Variants in PEX14 observed in about 807,000 individuals in gnomAD.
The protein encoded by PEX14 is peroxisomal biogenesis factor 14.
A neutral mutation model predicts 49.5 loss-of-function variants in PEX14; 15 were observed. The observed-to-expected ratio is 0.30, with a 90% CI of 0.20 to 0.47. The LOEUF is 0.47. Among genes scored for constraint, PEX14 ranks in the 20% least tolerant of loss-of-function variants. PEX14 has a pLI of 1.00. For synonymous variants in PEX14, 210 were observed against 212.7 expected, an observed-to-expected ratio of 0.99 and a Z score of 0.11; for missense variants, 398 against 494.8, an observed-to-expected ratio of 0.80 and a Z score of 1.86.
intron 3 of PEX14, among the ~76,000 whole-genome samples, chr1:10,573,150 G>A (rs544561794): frequency 2.6e-5 from 4 of 152,160 alleles, no homozygotes; most frequent in Non-Finnish European, 4.4e-5. Flanking sequence ...GACTACCATC[G>A]CATGTGCAGT....
In PEX14 at chr1:10,546,329, GC is replaced by G. The variant is rs1186186082; in HGVS notation, c.169+10035del. On this transcript the variant is annotated intron_variant, in intron 3 of 8. Coordinates refer to ENST00000356607, the MANE Select transcript of PEX14 (RefSeq NM_004565.3). ...GCCTGTAATCCCAGCACTTTGGGAG[GC>G]CCAGGCAGGTGGATGACTTGAGGTC... 3.3e-5 allele frequency among the ~76,000 whole-genome samples: 5 copies of G among 152,048 alleles called. No homozygotes were observed. The East Asian group carries it at 7.8e-4, about 24-fold the overall frequency.
intron 4 of PEX14, among the ~76,000 whole-genome samples, chr1:10,606,613 A>G (rs1220358255): frequency 6.6e-6 from 1 of 152,256 alleles, no homozygotes; most frequent in African/African-American, 2.4e-5. Flanking sequence ...AGGCAGGTTT[A>G]GAATTGCTCA....
intron 3 of PEX14, among the ~76,000 whole-genome samples, chr1:10,588,245 C>T (rs2124583088): frequency 6.6e-6 from 1 of 152,074 alleles, no homozygotes; most frequent in South Asian, 2.1e-4. Flanking sequence ...TGGAGTCTCA[C>T]TATGTTGCCT....
At chr1:10,530,476 T>G (rs887744358) in intron 2 of PEX14, among the ~76,000 whole-genome samples, 2 of 152,258 alleles carry the variant, frequency 1.3e-5, no homozygotes, top group African/African-American at 4.8e-5. Context: ...TCTGCGCTTC[T>G]GCCGCCTGCG....
At chr1:10,525,629 GA>G (rs1638449776) in intron 2 of PEX14, among the ~76,000 whole-genome samples, 1 of 152,094 alleles carries the variant, frequency 6.6e-6, no homozygotes, top group Non-Finnish European at 1.5e-5. Context: ...TCAATTTGAA[GA>G]TTTTTTTTTC....
At chr1:10,536,931 A>G (rs1638823971) in intron 3 of PEX14, among the ~76,000 whole-genome samples, 1 of 152,112 alleles carries the variant, frequency 6.6e-6, no homozygotes, top group Admixed American at 6.5e-5. Flanking sequence ...CTGACTTTTC[A>G]ATTTTTTATA....
chr1:10,545,915 C>T (rs754644761), intron 3 of PEX14, among the ~76,000 whole-genome samples: 2 of 152,070 alleles, frequency 1.3e-5, no homozygotes, highest in Non-Finnish European at 2.9e-5. Flanking sequence ...CGTGGTGGCG[C>T]ATGCCTGTGG....
At chr1:10,610,167 A>G (rs894731605) in intron 4 of PEX14, among the ~76,000 whole-genome samples, 1 of 148,554 alleles carries the variant, frequency 6.7e-6, no homozygotes, top group Non-Finnish European at 1.5e-5. Context: ...TGTCTATATC[A>G]TGATTGTGAT....
intron 3 of PEX14, among the ~76,000 whole-genome samples, chr1:10,591,098 G>A (rs896044525): frequency 6.6e-6 from 1 of 152,194 alleles, no homozygotes; most frequent in African/African-American, 2.4e-5. Context: ...ATGAGACGGC[G>A]TATGGCTAGC....
chr1:10,610,767 A>G (rs1641257957), intron 4 of PEX14, among the ~76,000 whole-genome samples: 1 of 151,996 alleles, frequency 6.6e-6, no homozygotes, highest in East Asian at 1.9e-4. Context: ...TGCTGGGATT[A>G]CAGGCATGAG....
At chr1:10,490,829 G>C (rs1169485902) in intron 1 of PEX14, among the ~76,000 whole-genome samples, 3 of 151,478 alleles carry the variant, frequency 2.0e-5, no homozygotes, top group South Asian at 4.2e-4. Flanking sequence ...AACCTCCTGG[G>C]TAGTTGGGAC....
intron 3 of PEX14, among the ~76,000 whole-genome samples, chr1:10,570,415 C>G (rs1309981198): frequency 1.3e-5 from 2 of 152,176 alleles, no homozygotes; most frequent in Non-Finnish European, 2.9e-5. Flanking sequence ...TCACTGCAAT[C>G]TCCACCTCCC....
chr1:10,554,252 C>T (rs560435271), intron 3 of PEX14, among the ~76,000 whole-genome samples: 12 of 145,980 alleles, frequency 8.2e-5, no homozygotes, highest in Non-Finnish European at 1.5e-4. Flanking sequence ...TGTAGTGAGC[C>T]GAGATCGCAC....
chr1:10,509,921 C>T (rs763163629), intron 2 of PEX14, among the ~76,000 whole-genome samples: 1 of 152,256 alleles, frequency 6.6e-6, no homozygotes, highest in Admixed American at 6.5e-5. Flanking sequence ...ATTACTTACT[C>T]ATTACTAACT....
At chr1:10,562,253 A>C (rs995070746) in intron 3 of PEX14, among the ~76,000 whole-genome samples, 10 of 152,024 alleles carry the variant, frequency 6.6e-5, no homozygotes, top group Non-Finnish European at 1.5e-4. Context: ...CCCACCCCCA[A>C]CACATGTGTA....
At chr1:10,502,035 C>G (rs1272981415) in intron 2 of PEX14, among the ~76,000 whole-genome samples, 1 of 151,840 alleles carries the variant, frequency 6.6e-6, no homozygotes, top group Non-Finnish European at 1.5e-5. Flanking sequence ...GGACTAAAAT[C>G]AAGTATAAAC....
At chr1:10,625,210 G>T (rs1435878347) in intron 7 of PEX14, among the ~76,000 whole-genome samples, 2 of 152,188 alleles carry the variant, frequency 1.3e-5, no homozygotes, top group Non-Finnish European at 2.9e-5. Context: ...TAGGTTCTGT[G>T]GGTGGGTAAC....
At chr1:10,480,859 CTA>C (rs534388595) in intron 1 of PEX14, among the ~76,000 whole-genome samples, 11,829 of 125,814 alleles carry the variant, frequency 0.094, 1,283 homozygotes, top group African/African-American at 0.3. Context: ...CTCTCTCTCT[CTA>C]TATATATATT....
In PEX14 at chr1:10,494,446, T is replaced by C. The variant is rs1286541863; in HGVS notation, c.37-828T>C. The stretch of plus-strand genomic sequence containing the variant: ...ATAGCTCACTTAGCAGCATACCTGC[T>C]TACTTTATTCTTTTGGAGATTTGTA... On this transcript the variant is annotated intron_variant, in intron 1 of 8. Transcript: ENST00000356607. This position sits in a 1 kb window ranked among gnomAD's most constrained non-coding sequence, Gnocchi z 4.3. Among the ~76,000 whole-genome samples the C allele has an allele frequency of 6.6e-6, 1 of 152,240 alleles. No individual in the cohort carries two copies.
Sources: allele counts gnomAD v4.1 joint callset (sites outside exome capture counted in the v4.1 genomes callset), GRCh38; gene constraint gnomAD v4.1.1; non-coding constraint Gnocchi (gnomAD v3.1); transcripts MANE v1.5; gene names NCBI Gene and HGNC (gene_info 2026-07-23, HGNC 2026-07-21).